Variants in PPP1R13B observed in about 807,000 individuals in gnomAD.
The protein encoded by PPP1R13B is protein phosphatase 1 regulatory subunit 13B, also known as apoptosis-stimulating of p53 protein 1.
PPP1R13B carries 44 observed loss-of-function variants against 119.8 expected under a neutral mutation model. The ratio of observed to expected loss-of-function variants is 0.37; its 90% CI spans 0.29 to 0.47. The LOEUF (loss-of-function observed/expected upper bound fraction) is 0.47, where lower values mean the gene tolerates loss of function less well. Among genes scored for constraint, PPP1R13B ranks in the 20% least tolerant of loss-of-function variants. PPP1R13B has a pLI of 0.99. For synonymous variants in PPP1R13B, 542 were observed against 561.5 expected (o/e 0.97, Z 0.49); for missense variants, 1,227 against 1,413.5 (o/e 0.87, Z 2.12).
chr14:103,782,451 C>A (rs1430131191), intron 3 of PPP1R13B, among the ~76,000 whole-genome samples: 1 of 152,208 alleles, frequency 6.6e-6, no homozygotes, highest in East Asian at 1.9e-4. Context: ...GTTTATATAT[C>A]ATTTTGTATG....
At position 103,805,503 on chromosome 14, in the gene PPP1R13B, C is replaced by T. The variant is rs118164323; in HGVS notation, c.10-7985G>A. Among the ~76,000 whole-genome samples the T allele has an allele frequency of 4.0e-5, 6 of 151,700 alleles. No individual in the cohort carries two copies. The East Asian group carries it at 1.2e-3, about 30-fold the overall frequency. On this transcript the variant is annotated intron_variant, in intron 1 of 16. Coordinates refer to ENST00000202556, the MANE Select transcript of PPP1R13B (RefSeq NM_015316.3). ...TGAGGATTGCTTGAGCTCAGGAGGT[C>T]AAAGCTGCAGTGAACTGTGATCATG...
chr14:103,789,282 GATC>G (rs2085552335), intron 2 of PPP1R13B, among the ~76,000 whole-genome samples: 1 of 152,072 alleles, frequency 6.6e-6, no homozygotes, highest in Non-Finnish European at 1.5e-5. Flanking sequence ...GCACTGGCAT[GATC>G]TCGGCTCACT....
chr14:103,776,194 A>T (rs181676509), intron 4 of PPP1R13B, among the ~76,000 whole-genome samples: 1 of 65,790 alleles, frequency 1.5e-5, no homozygotes, highest in African/African-American at 1.1e-4. Context: ...GGGAGGAAGG[A>T]AGGAAGGAAG....
chr14:103,768,383 G>A (rs1405642099), intron 4 of PPP1R13B, among the ~76,000 whole-genome samples: 3 of 152,112 alleles, frequency 2.0e-5, no homozygotes, highest in African/African-American at 7.2e-5. Flanking sequence ...TGCAACCTCC[G>A]CCTCCCAGGT....
In PPP1R13B at chr14:103,844,038, G is replaced by A. The variant is rs151330660; in HGVS notation, c.9+3261C>T. ...TCCCAGCACTTTGGGAGGCTGGGGC[G>A]GGCAGATCACTCAAGCTCAGAAATT... is the stretch of plus-strand genomic sequence containing the variant. On this transcript the variant is annotated intron_variant, in intron 1 of 16. Transcript: ENST00000202556. 3.6e-3 allele frequency among the ~76,000 whole-genome samples: 551 copies of A among 151,886 alleles called. 5 individuals carry two copies. The highest frequency in any genetic ancestry group is 0.013 in the African/African-American group (533 of 41,422).
At chr14:103,834,510 G>A (rs1379840280) in intron 1 of PPP1R13B, among the ~76,000 whole-genome samples, 2 of 151,120 alleles carry the variant, frequency 1.3e-5, no homozygotes, top group African/African-American at 4.9e-5. Flanking sequence ...TGCATGAAGT[G>A]AACCTTATTC....
intron 1 of PPP1R13B, among the ~76,000 whole-genome samples, chr14:103,823,137 G>A (rs1009902826): frequency 6.6e-6 from 1 of 152,092 alleles, no homozygotes; most frequent in Non-Finnish European, 1.5e-5. Flanking sequence ...AGGAGATCGA[G>A]ACCATCCTGG....
Position 103,742,079 on chromosome 14 carries a change from C to A in PPP1R13B, c.1533G>T (p.Gln511His). 6.2e-7 allele frequency: 1 copy of A among 1,613,928 alleles called. No individual in the cohort carries two copies. Among genetic ancestry groups the A allele is most frequent in the South Asian group, 1.1e-5 (1 of 91,078 alleles). Residue 511 changes from glutamine (Q) to histidine (H), a missense_variant, in exon 11 of 17, where the codon CAG becomes CAT. Transcript: ENST00000202556. The surrounding 1 kb of genome is among the most constrained non-coding windows in gnomAD (Gnocchi z 4.9). ...GCTGAATCTGTTGTGAGGAGCCTGG[C>A]TGGGGGGTGCTGCCTGTGGCGGGCA... ...TLLPATGSTPQPGSSQQIQQR... is the reference protein window; with the variant it reads ...TLLPATGSTPHPGSSQQIQQR...
At chr14:103,802,595 C>T (rs930426585) in intron 1 of PPP1R13B, among the ~76,000 whole-genome samples, 1 of 152,168 alleles carries the variant, frequency 6.6e-6, no homozygotes, top group Non-Finnish European at 1.5e-5. Flanking sequence ...GAATATAGCA[C>T]GCGTAAAGCA....
At chr14:103,735,955 A>C in intron 16 of PPP1R13B, 48 bp downstream of exon 16, 3 of 1,597,772 alleles carry the variant, frequency 1.9e-6, no homozygotes, top group Non-Finnish European at 2.6e-6. Flanking sequence ...CGCATGCTGT[A>C]CAGAGACACG....
At chr14:103,827,151 C>T (rs2086566865) in intron 1 of PPP1R13B, among the ~76,000 whole-genome samples, 1 of 150,476 alleles carries the variant, frequency 6.6e-6, no homozygotes, top group Admixed American at 6.6e-5. Context: ...GGTGAAACCC[C>T]ATCTCTATTA....
chr14:103,779,416 C>A (rs574925275), intron 3 of PPP1R13B, among the ~76,000 whole-genome samples: 1 of 152,238 alleles, frequency 6.6e-6, no homozygotes, highest in East Asian at 1.9e-4. Flanking sequence ...GCTTTTAACA[C>A]TTAAAAATGG....
Position 103,784,919 on chromosome 14 carries a change from GA to G in PPP1R13B, c.158-6del. ...GATCAAAGGGTATGGGACGTTCTAG[GA>G]AAAAGACCACATCTTTTTTACTCCA... On this transcript the variant is annotated splice_region_variant and splice_polypyrimidine_tract_variant and intron_variant, in intron 2 of 16. Transcript: ENST00000202556. 1 of 1,552,356 alleles carries G rather than the reference GA, an allele frequency of 6.4e-7. No homozygotes were observed. The highest frequency in any genetic ancestry group is 1.2e-5 in the South Asian group (1 of 83,722).
At chr14:103,820,652 ATTTT>A (rs35928276) in intron 1 of PPP1R13B, among the ~76,000 whole-genome samples, 14 of 102,592 alleles carry the variant, frequency 1.4e-4, no homozygotes, top group Admixed American at 3.6e-4. Context: ...CATGCCCAGG[ATTTT>A]TTTTTTTTTT....
rs184730629 is a variant in PPP1R13B at position 103,753,842 on chromosome 14, C to T, written c.631+228G>A. Among the ~76,000 whole-genome samples the T allele has an allele frequency of 1.1e-4, 16 of 152,228 alleles. No individual in the cohort carries two copies. The East Asian group carries it at 3.1e-3, about 29-fold the overall frequency. On this transcript the variant is annotated intron_variant, in intron 6 of 16. Coordinates refer to ENST00000202556, the MANE Select transcript of PPP1R13B (RefSeq NM_015316.3). ...CTTACTGCAGCCTTGACCTCCCAGG[C>T]TCAAGCAATCCTCCCACCTCAGCCT... is the stretch of plus-strand genomic sequence containing the variant.
chr14:103,746,310 C>G, intron 9 of PPP1R13B, 63 bp downstream of exon 9: 1 of 223,838 alleles, frequency 4.5e-6, no homozygotes, highest in Non-Finnish European at 9.6e-6. Context: ...CCCCGCCCCT[C>G]CACCGCAGGC....
intron 4 of PPP1R13B, among the ~76,000 whole-genome samples, chr14:103,777,846 G>C (rs1316466389): frequency 6.7e-6 from 1 of 149,438 alleles, no homozygotes; most frequent in African/African-American, 2.5e-5. Flanking sequence ...CAAGGCTGAA[G>C]TGCAGTGGTA....
intron 8 of PPP1R13B, among the ~76,000 whole-genome samples, chr14:103,748,370 A>T (rs751839464): frequency 2.5e-4 from 38 of 152,234 alleles, no homozygotes; most frequent in Non-Finnish European, 5.1e-4. Flanking sequence ...TGACATCCAC[A>T]GAACTGGAAG....
At chr14:103,744,708 T>C (rs936955660) in intron 9 of PPP1R13B, among the ~76,000 whole-genome samples, 3 of 152,226 alleles carry the variant, frequency 2.0e-5, no homozygotes, top group Non-Finnish European at 4.4e-5. Context: ...CTGGGTTTAC[T>C]GTGGCCATCT....
Sources: allele counts gnomAD v4.1 joint callset (sites outside exome capture counted in the v4.1 genomes callset), GRCh38; gene constraint gnomAD v4.1.1; non-coding constraint Gnocchi (gnomAD v3.1); transcripts MANE v1.5; gene names NCBI Gene and HGNC (gene_info 2026-07-23, HGNC 2026-07-21).